CDC42BPA: variants seen among roughly 807,000 people sequenced by gnomAD.
CDC42BPA encodes CDC42 binding protein kinase alpha, also known as serine/threonine-protein kinase MRCK alpha.
CDC42BPA carries 80 observed loss-of-function variants against 223.5 expected under a neutral mutation model. The ratio of observed to expected loss-of-function variants is 0.36; its 90% confidence interval spans 0.30 to 0.43. The LOEUF (loss-of-function observed/expected upper bound fraction) is 0.43, where lower values mean the gene tolerates loss of function less well. Ranked by LOEUF, CDC42BPA falls within the 20% of genes least tolerant of loss-of-function variation. The probability of loss-of-function intolerance (pLI) is 1.00; values close to 1 mark genes in which losing one functional copy is unlikely to be tolerated. For missense variants in CDC42BPA, 1,743 were observed against 2,099.9 expected (o/e 0.83, Z 3.32); for synonymous variants, 694 against 718.6 (o/e 0.97, Z 0.55).
rs565073727 is a variant in CDC42BPA at position 227,240,475 on chromosome 1, G to A, written c.270+13589C>T. Among the ~76,000 whole-genome samples, 3 of 152,064 alleles carry A rather than the reference G, an allele frequency of 2.0e-5. No individual in the cohort carries two copies. In the East Asian group the frequency reaches 5.8e-4, roughly 29 times the overall value. On this transcript the variant is annotated intron_variant, in intron 2 of 36. Coordinates refer to ENST00000366766, the MANE Select transcript of CDC42BPA (RefSeq NM_001394014.1). ...AACAATCTTGAAAAAGAACAAAGTA[G>A]GACTCCATACACTCAGAGTTCATTA...
chr1:227,264,858 CTGGA>C, intron 1 of CDC42BPA: 1 of 1,532,312 alleles, frequency 6.5e-7, no homozygotes, highest in East Asian at 2.3e-5. Context: ...TCAGGTAAGT[CTGGA>C]ACTGGACCTG....
chr1:227,051,764 T>C (rs1313198015), intron 22 of CDC42BPA, 117 bp downstream of exon 22: 7 of 508,248 alleles, frequency 1.4e-5, no homozygotes, highest in South Asian at 4.9e-5. Flanking sequence ...TGATCTCCAA[T>C]AGACTGTAAC....
chr1:227,136,151 G>GA (rs1240319670), intron 10 of CDC42BPA, among the ~76,000 whole-genome samples: 10 of 151,836 alleles, frequency 6.6e-5, no homozygotes, highest in East Asian at 1.9e-4. Context: ...AGAAAACAGA[G>GA]AAAAAAATAC....
chr1:227,263,581 A>ATTTT (rs200269802), intron 1 of CDC42BPA, among the ~76,000 whole-genome samples: 1 of 135,016 alleles, frequency 7.4e-6, no homozygotes. Flanking sequence ...CTTGAGAATC[A>ATTTT]ATTTTTTTTT....
intron 10 of CDC42BPA, among the ~76,000 whole-genome samples, chr1:227,137,766 A>G (rs1316735237): frequency 1.3e-5 from 2 of 152,094 alleles, no homozygotes; most frequent in Non-Finnish European, 2.9e-5. Context: ...AAAAGAGAAT[A>G]TACTGTATGA....
At chr1:227,131,515 T>C (rs757108153) in intron 10 of CDC42BPA, among the ~76,000 whole-genome samples, 31 of 152,190 alleles carry the variant, frequency 2.0e-4, no homozygotes, top group Non-Finnish European at 3.8e-4. Flanking sequence ...TATGTGCAGA[T>C]ATGAAGATGG....
rs374250199 is a variant in CDC42BPA, at chr1:227,274,435, G to A, written c.179-20280C>T. Among the ~76,000 whole-genome samples, 90 of 152,272 alleles carry A rather than the reference G, an allele frequency of 5.9e-4. 1 individual carries two copies. The South Asian group carries it at 0.017, about 29-fold the overall frequency. Reference sequence around the variant, plus strand: ...TTCAACTGGGCAGTCTCAAACCGAAGAGAAATGAAGTGTTATGTCTTCCAA... The same window carrying A: ...TTCAACTGGGCAGTCTCAAACCGAAAAGAAATGAAGTGTTATGTCTTCCAA... On this transcript the variant is annotated intron_variant, in intron 1 of 36. Transcript: ENST00000366766.
intron 11 of CDC42BPA, among the ~76,000 whole-genome samples, chr1:227,126,415 G>A (rs1689603049): frequency 3.3e-5 from 5 of 149,758 alleles, no homozygotes. Flanking sequence ...GGTGGCTGCT[G>A]GTGACAGGAG....
chr1:227,121,702 T>C (rs1164540572), intron 11 of CDC42BPA, among the ~76,000 whole-genome samples: 1 of 152,170 alleles, frequency 6.6e-6, no homozygotes, highest in African/African-American at 2.4e-5. Flanking sequence ...GCATTTCATA[T>C]GGGAATATTT....
chr1:227,207,058 T>A (rs1672868596), intron 3 of CDC42BPA, among the ~76,000 whole-genome samples: 1 of 147,742 alleles, frequency 6.8e-6, no homozygotes, highest in African/African-American at 2.5e-5. Flanking sequence ...ATTAGGTATA[T>A]CTCCTAATGC....
intron 22 of CDC42BPA, among the ~76,000 whole-genome samples, chr1:227,050,322 G>A (rs960085316): frequency 6.6e-6 from 1 of 152,166 alleles, no homozygotes; most frequent in Non-Finnish European, 1.5e-5. Flanking sequence ...ACTGTGAGGT[G>A]AGGATGTGGG....
At chr1:227,247,704 G>A (rs1430324740) in intron 2 of CDC42BPA, among the ~76,000 whole-genome samples, 1 of 151,996 alleles carries the variant, frequency 6.6e-6, no homozygotes, top group Non-Finnish European at 1.5e-5. Context: ...GGCCAACACT[G>A]TAAAACCCCA....
chr1:227,080,957 C>A lies in CDC42BPA; in HGVS notation c.2416G>T (p.Asp806Tyr), dbSNP rs1680508083. Residue 806 changes from aspartate (D) to tyrosine (Y), a missense_variant, in exon 17 of 37, where the codon GAT (aspartate) becomes TAT (tyrosine). By Grantham distance (160) the Asp-to-Tyr change is radical. Coordinates refer to ENST00000366766, the MANE Select transcript of CDC42BPA (RefSeq NM_001394014.1). ...ACTGATTCTTTCTTGTCTGCTAGAT[C>A]TTTAACCTCTTCTTCTAACTGCTGG... ...HNQQLEEEVK[D>Y]LADKKESVAH... 1.2e-6 allele frequency: 2 copies of A among 1,613,706 alleles called. No homozygotes were observed. The highest frequency in any genetic ancestry group is 1.7e-6 in the Non-Finnish European group (2 of 1,179,740).
chr1:227,203,720 G>A (rs2150263996), intron 3 of CDC42BPA, among the ~76,000 whole-genome samples: 1 of 152,216 alleles, frequency 6.6e-6, no homozygotes, highest in African/African-American at 2.4e-5. Flanking sequence ...CATTCAGCTT[G>A]CCACAGTGAT....
At chr1:227,314,080 G>A (rs1051553672) in intron 1 of CDC42BPA, among the ~76,000 whole-genome samples, 1 of 151,940 alleles carries the variant, frequency 6.6e-6, no homozygotes, top group Admixed American at 6.5e-5. Flanking sequence ...GGGGGTGGCC[G>A]ATTTAACGAA....
intron 23 of CDC42BPA, among the ~76,000 whole-genome samples, chr1:227,042,423 G>A (rs1671563635): frequency 6.6e-6 from 1 of 151,952 alleles, no homozygotes; most frequent in Admixed American, 6.6e-5. Context: ...TTAATTTTAG[G>A]TAATAAATCA....
chr1:227,112,964 C>A (rs773571255), intron 12 of CDC42BPA, 51 bp from the exon 13 acceptor site: 1 of 1,581,596 alleles, frequency 6.3e-7, no homozygotes, highest in African/African-American at 1.4e-5. Context: ...ACCTAGAGAC[C>A]AAATTTGGCC....
At chr1:227,273,934 G>A (rs576478224) in intron 1 of CDC42BPA, among the ~76,000 whole-genome samples, 25 of 146,998 alleles carry the variant, frequency 1.7e-4, no homozygotes, top group Non-Finnish European at 2.2e-4. Flanking sequence ...GTTTGGGATT[G>A]GGAGGTGGTG....
rs780581016 is a variant in CDC42BPA at position 227,168,569 on chromosome 1, C to T, written c.600-7933G>A. 1.6e-4 allele frequency among the ~76,000 whole-genome samples: 22 copies of T among 135,578 alleles called. No individual in the cohort carries two copies. The South Asian group carries it at 3.9e-3, about 24-fold the overall frequency. The allele number at this position is 135,578 out of a possible 152,430, so 88.9% of individuals were successfully genotyped here. ...GGAGTGCAATGGTGCGATCTCCGCT[C>T]GCTGCAAGCTCCGCCTCCTGGGTTC... On this transcript the variant is annotated intron_variant, in intron 5 of 36. Transcript: ENST00000366766.
Sources: gnomAD v4.1 joint callset for allele counts (sites outside exome capture counted in the v4.1 genomes callset) on GRCh38, gnomAD v4.1.1 for gene constraint, MANE v1.5 for transcripts, NCBI Gene and HGNC (gene_info 2026-07-23, HGNC 2026-07-21) for gene names.